The following CLXN variants were observed in gnomAD, a reference collection of about 807,000 sequenced individuals.
The protein encoded by CLXN is calaxin.
chr8:48,723,921 G>A, the CLXN span: 1,698 of 152,478 alleles, frequency 0.011, 15 homozygotes, highest in Non-Finnish European at 0.017. Flanking sequence ...ATGGGGCAGG[G>A]ACTATCTGGA....
At chr8:48,732,440 T>G in the CLXN span, among the ~76,000 whole-genome samples, 1 of 152,144 alleles carries the variant, frequency 6.6e-6, no homozygotes, top group East Asian at 1.9e-4. Flanking sequence ...GATTTCTGGT[T>G]TGGAAAACCA....
the CLXN span, chr8:48,735,160 C>A: frequency 6.2e-7 from 1 of 1,614,024 alleles, no homozygotes; most frequent in South Asian, 1.1e-5. Flanking sequence ...ATGTCTGGCG[C>A]TCAGAGAATC....
chr8:48,730,264 A>C, the CLXN span: 1 of 340,440 alleles, frequency 2.9e-6, no homozygotes, highest in Non-Finnish European at 5.3e-6. Flanking sequence ...CTTAACATAT[A>C]AATGTATATG....
the CLXN span, among the ~76,000 whole-genome samples, chr8:48,732,163 C>A: frequency 2.0e-5 from 3 of 152,040 alleles, no homozygotes; most frequent in African/African-American, 4.8e-5. Context: ...GTATAAAGGA[C>A]CATGGTTATA....
At chr8:48,727,214 T>TTATCCATC in the CLXN span, among the ~76,000 whole-genome samples, 10 of 111,302 alleles carry the variant, frequency 9.0e-5, 1 homozygote, top group South Asian at 2.1e-3. Context: ...ATCTATCCAC[T>TTATCCATC]CATCCATCCA....
chr8:48,719,525 A>G, the CLXN span, among the ~76,000 whole-genome samples: 8 of 152,218 alleles, frequency 5.3e-5, no homozygotes, highest in Non-Finnish European at 8.8e-5. Context: ...TCAATAGAAT[A>G]CTAGTGAACT....
the CLXN span, chr8:48,735,216 C>T: frequency 1.9e-6 from 3 of 1,589,082 alleles, no homozygotes; most frequent in Non-Finnish European, 2.6e-6. Flanking sequence ...GAGACCCTCG[C>T]GGGACCCCCG....
chr8:48,715,371 C>T, the CLXN span: 1 of 152,160 alleles, frequency 6.6e-6, no homozygotes, highest in African/African-American at 2.4e-5. Context: ...TGAGAATACT[C>T]CAGAGTACAG....
the CLXN span, among the ~76,000 whole-genome samples, chr8:48,717,027 T>A: frequency 2.0e-5 from 3 of 152,090 alleles, no homozygotes; most frequent in Non-Finnish European, 2.9e-5. Context: ...CAGCCAGGCA[T>A]GGTGGCACGT....
At chr8:48,723,365 G>C in the CLXN span, 5 of 152,214 alleles carry the variant, frequency 3.3e-5, no homozygotes, top group Non-Finnish European at 5.9e-5. Context: ...GTCCATCTAT[G>C]TAAGAATCTA....
the CLXN span, among the ~76,000 whole-genome samples, chr8:48,726,280 C>CA: frequency 6.7e-6 from 1 of 149,702 alleles, no homozygotes; most frequent in African/African-American, 2.5e-5. Flanking sequence ...TCCATCCATC[C>CA]ATCCATCCAT....
the CLXN span, among the ~76,000 whole-genome samples, chr8:48,733,397 G>T: frequency 1.3e-5 from 2 of 152,100 alleles, no homozygotes; most frequent in South Asian, 4.1e-4. Context: ...TTCAAGAATA[G>T]GTTTTCATCT....
At chr8:48,731,631 T>G in the CLXN span, 1 of 708,888 alleles carries the variant, frequency 1.4e-6, no homozygotes, top group Non-Finnish European at 2.1e-6. Context: ...TAGAAGACTC[T>G]CCTGTTTTGA....
chr8:48,715,793 A>G, the CLXN span: 17 of 152,288 alleles, frequency 1.1e-4, no homozygotes, highest in African/African-American at 4.1e-4. Flanking sequence ...AGTGTGGAAG[A>G]GGTGACTGCT....
the CLXN span, among the ~76,000 whole-genome samples, chr8:48,722,917 C>T: frequency 3.3e-5 from 5 of 151,978 alleles, no homozygotes; most frequent in Admixed American, 2.6e-4. Flanking sequence ...TGCATGTTCT[C>T]ACTTATAAGA....
At chr8:48,720,870 TTC>T in the CLXN span, among the ~76,000 whole-genome samples, 125 of 152,298 alleles carry the variant, frequency 8.2e-4, 1 homozygote, top group South Asian at 0.02. Context: ...GCTGTAAAAT[TTC>T]TCTCTTTGTG....
the CLXN span, among the ~76,000 whole-genome samples, chr8:48,725,173 C>T: frequency 1.1e-4 from 17 of 152,138 alleles, no homozygotes; most frequent in Non-Finnish European, 2.4e-4. Context: ...TGGTTGGGAA[C>T]GAGGCACTCT....
At chr8:48,716,186 G>A in the CLXN span, 2 of 152,654 alleles carry the variant, frequency 1.3e-5, no homozygotes, top group Admixed American at 6.5e-5. Context: ...CAGTGCTGGG[G>A]GACCCAGCGC....
the CLXN span, chr8:48,714,086 C>T: frequency 6.6e-6 from 1 of 152,176 alleles, no homozygotes; most frequent in Non-Finnish European, 1.5e-5. Context: ...AACCCACCCC[C>T]CCGACAAACC....
Sources: allele counts gnomAD v4.1 joint callset (sites outside exome capture counted in the v4.1 genomes callset), GRCh38; gene constraint gnomAD v4.1.1; transcripts MANE v1.5; gene names NCBI Gene and HGNC (gene_info 2026-07-23, HGNC 2026-07-21).